The following UBE3C variants were observed in gnomAD, a reference collection of about 807,000 sequenced individuals.
UBE3C encodes the protein ubiquitin protein ligase E3C, also known as ubiquitin-protein ligase E3C.
Under a neutral mutation model 129.4 loss-of-function variants are expected in UBE3C, and 42 were observed. That is an observed-to-expected ratio of 0.32 (90% confidence interval 0.25 to 0.42). UBE3C has a LOEUF of 0.42. UBE3C is among the 10% of genes least tolerant of loss of function. The pLI is 1.00. For missense variants in UBE3C, 1,049 were observed against 1,319.1 expected (o/e 0.80, Z 3.17); for synonymous variants, 510 against 492.4 (o/e 1.04, Z -0.47).
chr7:157,182,244 T>G lies in UBE3C; in HGVS notation c.907T>G (p.Leu303Val), dbSNP rs1401837586. Residue 303 changes from leucine (L) to valine (V), a missense_variant, in exon 8 of 23, where the codon TTA (leucine) becomes GTA (valine). Physicochemically the swap from Leu to Val is conservative, Grantham distance 32. This residue lies in a region of UBE3C where 489 missense variants were observed against 513.8 expected (regional missense o/e 0.95). Transcript: ENST00000348165. ...PYEPFLNALL[L>V]IESRCSRKSG... is the part of the protein sequence containing the mutation. Reference sequence around the variant, plus strand: ...CGAGCCCTTTCTGAATGCACTGTTGTTAATAGAGAGTAGATGTTCAAGAAA... The same window carrying G: ...CGAGCCCTTTCTGAATGCACTGTTGGTAATAGAGAGTAGATGTTCAAGAAA... The G allele has an allele frequency of 3.7e-6, 6 of 1,614,220 alleles. No homozygotes were observed. The highest frequency in any genetic ancestry group is 5.1e-6 in the Non-Finnish European group (6 of 1,180,024).
chr7:157,216,237 T>C (rs534348461), intron 13 of UBE3C, among the ~76,000 whole-genome samples: 6 of 152,272 alleles, frequency 3.9e-5, no homozygotes, highest in African/African-American at 1.4e-4. Context: ...CGTTAGTACA[T>C]TATTTCTCAG....
At chr7:157,192,525 G>T in intron 10 of UBE3C, 1 of 763,034 alleles carries the variant, frequency 1.3e-6, no homozygotes. Flanking sequence ...CTGGAAGATG[G>T]ATGTACTGTC....
chr7:157,249,580 TG>T (rs1481858353), intron 19 of UBE3C, among the ~76,000 whole-genome samples: 2 of 152,250 alleles, frequency 1.3e-5, no homozygotes, highest in Non-Finnish European at 2.9e-5. Context: ...CCTGAAGTGC[TG>T]GGATTACAGG....
rs543594597 is a variant in UBE3C, at chr7:157,247,031, T to TA, written c.2482-1336dup. Among the ~76,000 whole-genome samples the TA allele has an allele frequency of 3.4e-3, 512 of 152,218 alleles. 2 individuals carry two copies. Among genetic ancestry groups the TA allele is most frequent in the African/African-American group, 0.011 (476 of 41,528 alleles). ...TCAGCCTCCCAAGTAGCTGGGATTA[T>TA]AGGCATATGCCACCACACGTAGCTA... On this transcript the variant is annotated intron_variant, in intron 18 of 22. Coordinates refer to ENST00000348165, the MANE Select transcript of UBE3C (RefSeq NM_014671.3).
intron 1 of UBE3C, among the ~76,000 whole-genome samples, chr7:157,152,488 T>G (rs926464361): frequency 6.6e-6 from 1 of 152,168 alleles, no homozygotes; most frequent in African/African-American, 2.4e-5. Context: ...GGCATTTTCT[T>G]TTAAGGATGT....
chr7:157,142,890 G>A (rs188612329), intron 1 of UBE3C, among the ~76,000 whole-genome samples: 4 of 148,726 alleles, frequency 2.7e-5, no homozygotes, highest in South Asian at 2.1e-4. Context: ...TTTCGCTCAC[G>A]CTGGAGCGCA....
intron 1 of UBE3C, among the ~76,000 whole-genome samples, chr7:157,141,186 G>C (rs1344813891): frequency 6.6e-6 from 1 of 152,214 alleles, no homozygotes; most frequent in Admixed American, 6.5e-5. Context: ...ACTGGCAGCA[G>C]CTGGGGCATG....
rs1266214794 is a variant in UBE3C, at chr7:157,141,419, A to AC, written c.66+2083dup. Among the ~76,000 whole-genome samples the AC allele has an allele frequency of 2.6e-5, 4 of 152,258 alleles. No homozygotes were observed. The East Asian group carries it at 7.7e-4, about 29-fold the overall frequency. ...CACTAGTCCAGTTGGTTGTTGTGGG[A>AC]CCGTCCTAGAGTGCACTTAACAGAA... On this transcript the variant is annotated intron_variant, in intron 1 of 22. Transcript: ENST00000348165.
intron 22 of UBE3C, among the ~76,000 whole-genome samples, chr7:157,266,446 C>T (rs893401634): frequency 2.6e-5 from 4 of 152,266 alleles, no homozygotes; most frequent in African/African-American, 7.2e-5. Flanking sequence ...TAGGTAATGT[C>T]GTATGCTTCC....
chr7:157,178,702 C>T lies in UBE3C; in HGVS notation c.471C>T (p.Asn157=). ...TTCATTTTTACAGGTTGCTGCAAAA[C>T]TGTAATGATGACAGTTTGAATGTTG... is the stretch of plus-strand genomic sequence containing the variant. ...LMSLCCRLLQ[N]CNDDSLNVAL... Residue 157 remains asparagine, a synonymous_variant, in exon 6 of 23, where the codon AAC becomes AAT. Coordinates refer to ENST00000348165, the MANE Select transcript of UBE3C (RefSeq NM_014671.3). 1 of 1,613,512 alleles carries T rather than the reference C, an allele frequency of 6.2e-7. No homozygotes were observed. Among genetic ancestry groups the T allele is most frequent in the Middle Eastern group, 1.7e-4 (1 of 6,052 alleles).
intron 1 of UBE3C, among the ~76,000 whole-genome samples, chr7:157,151,770 G>A (rs1253276213): frequency 6.6e-6 from 1 of 152,158 alleles, no homozygotes; most frequent in Non-Finnish European, 1.5e-5. Context: ...ACCAAGAGGA[G>A]TCAATGATTT....
At chr7:157,211,635 T>A (rs1219386239) in intron 13 of UBE3C, among the ~76,000 whole-genome samples, 1 of 151,992 alleles carries the variant, frequency 6.6e-6, no homozygotes, top group Non-Finnish European at 1.5e-5. Flanking sequence ...CATAAATGGG[T>A]TAACAAGTGG....
intron 9 of UBE3C, among the ~76,000 whole-genome samples, chr7:157,185,934 C>T (rs1260017783): frequency 6.6e-6 from 1 of 151,946 alleles, no homozygotes; most frequent in African/African-American, 2.4e-5. Context: ...ATACAGTCAG[C>T]AATACCCAAT....
intron 22 of UBE3C, among the ~76,000 whole-genome samples, chr7:157,257,561 C>T (rs115542153): frequency 0.011 from 1,719 of 151,654 alleles, 34 homozygotes; most frequent in African/African-American, 0.04. Flanking sequence ...ATGATGAAAC[C>T]CTGTCTTTGC....
chr7:157,200,276 A>G (rs1349058476), intron 10 of UBE3C, among the ~76,000 whole-genome samples: 6 of 151,884 alleles, frequency 4.0e-5, no homozygotes, highest in African/African-American at 1.5e-4. Context: ...CCATCTGGAT[A>G]TCTCAAAATG....
Position 157,224,134 on chromosome 7 carries a change from A to G in UBE3C, c.2100+783A>G, listed in dbSNP as rs1273932636. Among the ~76,000 whole-genome samples, 4 of 152,070 alleles carry G rather than the reference A, an allele frequency of 2.6e-5. 1 individual carries two copies. Among genetic ancestry groups the G allele is most frequent in the Non-Finnish European group, 2.9e-5 (2 of 68,000 alleles). On this transcript the variant is annotated intron_variant, in intron 16 of 22. Transcript: ENST00000348165. The stretch of plus-strand genomic sequence containing the variant: ...AGCCACCATCTCACCTTGACCTGCT[A>G]AAGTGCTGGGATTACAGGCATCAGC...
chr7:157,235,887 TA>T (rs1196251115), intron 18 of UBE3C, among the ~76,000 whole-genome samples: 2 of 152,238 alleles, frequency 1.3e-5, no homozygotes, highest in Admixed American at 6.5e-5. Context: ...TGCTCGGATC[TA>T]AGTAAGTGTC....
intron 22 of UBE3C, among the ~76,000 whole-genome samples, chr7:157,263,543 A>G (rs892096601): frequency 6.6e-6 from 1 of 152,066 alleles, no homozygotes; most frequent in Non-Finnish European, 1.5e-5. Context: ...GGGCACATAT[A>G]GTCCCAGCTA....
intron 18 of UBE3C, among the ~76,000 whole-genome samples, chr7:157,232,655 T>C (rs1038036924): frequency 5.9e-5 from 9 of 152,218 alleles, no homozygotes; most frequent in African/African-American, 2.2e-4. Context: ...CCTGGCCTGT[T>C]ATTCGCATTC....
Sources: gnomAD v4.1 joint callset for allele counts (sites outside exome capture counted in the v4.1 genomes callset) on GRCh38, gnomAD v4.1.1 for gene constraint, gnomAD v4.1.1 regional missense constraint, MANE v1.5 for transcripts, NCBI Gene and HGNC (gene_info 2026-07-23, HGNC 2026-07-21) for gene names.